ST6GALNAC5: variants seen among roughly 807,000 people sequenced by gnomAD.
The protein encoded by ST6GALNAC5 is alpha-N-acetylgalactosaminide alpha-2,6-sialyltransferase 5.
A neutral mutation model predicts 33.6 loss-of-function variants in ST6GALNAC5; 27 were observed. That is an observed-to-expected ratio of 0.80 (90% CI 0.59 to 1.11). The LOEUF (loss-of-function observed/expected upper bound fraction) is 1.11, where lower values mean the gene tolerates loss of function less well. Ranked by LOEUF, ST6GALNAC5 falls within the 50% of genes least tolerant of loss-of-function variation. ST6GALNAC5 has a pLI of 0.00. For synonymous variants in ST6GALNAC5, 194 were observed against 171.2 expected, an observed-to-expected ratio of 1.13 and a Z score of -1.04; for missense variants, 428 against 454.0, an observed-to-expected ratio of 0.94 and a Z score of 0.52.
chr1:76,993,666 C>T (rs955009282), intron 2 of ST6GALNAC5, among the ~76,000 whole-genome samples: 3 of 152,136 alleles, frequency 2.0e-5, no homozygotes, highest in Admixed American at 2.0e-4. Context: ...TTGCAAAGCC[C>T]GACTCTGCCA....
chr1:77,053,796 T>C (rs1249803854), intron 4 of ST6GALNAC5, among the ~76,000 whole-genome samples: 1 of 152,192 alleles, frequency 6.6e-6, no homozygotes, highest in Non-Finnish European at 1.5e-5. Context: ...TCTGCAGTTG[T>C]GGATGCTCAT....
At chr1:76,890,325 T>C (rs1197991676) in intron 2 of ST6GALNAC5, among the ~76,000 whole-genome samples, 1 of 152,198 alleles carries the variant, frequency 6.6e-6, no homozygotes, top group African/African-American at 2.4e-5. Flanking sequence ...ACAAGTTTTC[T>C]TTTACGTTCC....
intron 2 of ST6GALNAC5, among the ~76,000 whole-genome samples, chr1:76,877,972 C>T (rs1165170562): frequency 5.3e-5 from 8 of 152,212 alleles, no homozygotes; most frequent in Admixed American, 4.6e-4. Flanking sequence ...AGCAATGAAA[C>T]CACATCTGGT....
chr1:76,883,073 A>G (rs530892252), intron 2 of ST6GALNAC5, among the ~76,000 whole-genome samples: 1 of 152,354 alleles, frequency 6.6e-6, no homozygotes, highest in Middle Eastern at 3.4e-3. Flanking sequence ...TATGTCAGCC[A>G]CACATCATTC....
At chr1:76,879,342 C>T (rs1018111188) in intron 2 of ST6GALNAC5, among the ~76,000 whole-genome samples, 1 of 152,140 alleles carries the variant, frequency 6.6e-6, no homozygotes, top group Non-Finnish European at 1.5e-5. Flanking sequence ...CCCTGAGCTG[C>T]AGTATTAAAA....
chr1:76,982,922 G>A (rs867089978), intron 2 of ST6GALNAC5, among the ~76,000 whole-genome samples: 27 of 151,906 alleles, frequency 1.8e-4, no homozygotes, highest in African/African-American at 6.0e-4. Flanking sequence ...AGCTTCATAC[G>A]TGAAGGAGAA....
intron 2 of ST6GALNAC5, among the ~76,000 whole-genome samples, chr1:76,882,184 G>A (rs1570635315): frequency 6.6e-6 from 1 of 152,194 alleles, no homozygotes; most frequent in Non-Finnish European, 1.5e-5. Context: ...GCAAATGGGT[G>A]TTTCAGAGAC....
intron 2 of ST6GALNAC5, among the ~76,000 whole-genome samples, chr1:76,958,374 AGTT>A (rs1340832769): frequency 6.6e-6 from 1 of 152,160 alleles, no homozygotes; most frequent in Non-Finnish European, 1.5e-5. Flanking sequence ...TCCGCTATGT[AGTT>A]GTTTGGAGGA....
chr1:77,025,711 A>G (rs1321909933), intron 2 of ST6GALNAC5, among the ~76,000 whole-genome samples: 3 of 152,112 alleles, frequency 2.0e-5, no homozygotes, highest in Non-Finnish European at 4.4e-5. Context: ...GGGTCAATGG[A>G]AAGACATAGG....
intron 2 of ST6GALNAC5, among the ~76,000 whole-genome samples, chr1:76,884,126 C>CCAGAGTAAGTAAG (rs1653842817): frequency 2.0e-5 from 3 of 152,136 alleles, no homozygotes; most frequent in Admixed American, 2.0e-4. Context: ...GTAAGTGGCA[C>CCAGAGTAAGTAAG]AGCCAGAGGA....
At chr1:76,904,173 G>A (rs1334898819) in intron 2 of ST6GALNAC5, among the ~76,000 whole-genome samples, 2 of 152,172 alleles carry the variant, frequency 1.3e-5, no homozygotes, top group Non-Finnish European at 2.9e-5. Flanking sequence ...TCATTTTCAT[G>A]GGAAAAGGAT....
chr1:77,043,991 G>C (rs1243051456), intron 2 of ST6GALNAC5, among the ~76,000 whole-genome samples: 1 of 152,140 alleles, frequency 6.6e-6, no homozygotes, highest in African/African-American at 2.4e-5. Context: ...GTCAGTGCTA[G>C]CTCCCTTTTG....
At chr1:76,979,921 G>T (rs1649179073) in intron 2 of ST6GALNAC5, among the ~76,000 whole-genome samples, 1 of 152,048 alleles carries the variant, frequency 6.6e-6, no homozygotes, top group Non-Finnish European at 1.5e-5. Context: ...CAGCCTGGGG[G>T]ATAGAGTGAG....
At chr1:77,046,897 G>A (rs954965378) in intron 3 of ST6GALNAC5, among the ~76,000 whole-genome samples, 10 of 152,156 alleles carry the variant, frequency 6.6e-5, no homozygotes, top group Non-Finnish European at 1.3e-4. Flanking sequence ...ATTTTAAGCT[G>A]ATAAGTTAGA....
intron 2 of ST6GALNAC5, among the ~76,000 whole-genome samples, chr1:76,974,878 C>G (rs1570726833): frequency 1.4e-5 from 2 of 147,628 alleles, no homozygotes; most frequent in East Asian, 2.0e-4. Context: ...TTCCGCCTCC[C>G]GGGTTCAAGT....
At chr1:76,891,871 A>G (rs74092210) in intron 2 of ST6GALNAC5, among the ~76,000 whole-genome samples, 8,553 of 152,226 alleles carry the variant, frequency 0.056, 634 homozygotes, top group African/African-American at 0.17. Context: ...GCATTTTTAT[A>G]AAAAATAAAC....
At chr1:76,980,214 G>A (rs1045817314) in intron 2 of ST6GALNAC5, among the ~76,000 whole-genome samples, 1 of 151,968 alleles carries the variant, frequency 6.6e-6, no homozygotes, top group Non-Finnish European at 1.5e-5. Flanking sequence ...ACATACTGTG[G>A]TATTTTTATG....
chr1:76,937,284 T>C (rs959994031), intron 2 of ST6GALNAC5, among the ~76,000 whole-genome samples: 3 of 151,982 alleles, frequency 2.0e-5, no homozygotes, highest in African/African-American at 7.2e-5. Context: ...TTCTCAAAGA[T>C]AAAAGTTTTG....
intron 2 of ST6GALNAC5, among the ~76,000 whole-genome samples, chr1:77,040,211 G>A (rs1424594106): frequency 6.6e-6 from 1 of 152,194 alleles, no homozygotes; most frequent in African/African-American, 2.4e-5. Flanking sequence ...TTGGAAGTGG[G>A]TCAGCCTTTA....
Sources: allele counts gnomAD v4.1 joint callset (sites outside exome capture counted in the v4.1 genomes callset), GRCh38; gene constraint gnomAD v4.1.1; transcripts MANE v1.5; gene names NCBI Gene and HGNC (gene_info 2026-07-23, HGNC 2026-07-21).